KAZN: variants seen among roughly 807,000 people sequenced by gnomAD.
KAZN encodes the protein kazrin, periplakin interacting protein.
Under a neutral mutation model 87.4 loss-of-function variants are expected in KAZN, and 40 were observed. The ratio of observed to expected loss-of-function variants is 0.46; its 90% CI spans 0.36 to 0.60. KAZN has a LOEUF of 0.60. Among genes scored for constraint, KAZN ranks in the 20% least tolerant of loss-of-function variants. The probability of loss-of-function intolerance (pLI) is 0.00; values close to 1 mark genes in which losing one functional copy is unlikely to be tolerated. For synonymous variants in KAZN, 466 were observed against 458.3 expected, an observed-to-expected ratio of 1.02 and a Z score of -0.22; for missense variants, 898 against 1,073.9, an observed-to-expected ratio of 0.84 and a Z score of 2.29.
intron 1 of KAZN, among the ~76,000 whole-genome samples, chr1:14,630,692 C>A (rs1208218783): frequency 1.3e-5 from 2 of 152,074 alleles, no homozygotes; most frequent in African/African-American, 4.8e-5. Context: ...TCTAATGATT[C>A]CCCTACCCCA....
At chr1:14,732,831 T>C (rs1643739372) in intron 1 of KAZN, among the ~76,000 whole-genome samples, 1 of 152,078 alleles carries the variant, frequency 6.6e-6, no homozygotes, top group African/African-American at 2.4e-5. Context: ...ACTGAGACTC[T>C]AAGAGTGCCA....
intron 2 of KAZN, among the ~76,000 whole-genome samples, chr1:14,393,527 G>T (rs545421431): frequency 6.6e-6 from 1 of 152,108 alleles, no homozygotes; most frequent in African/African-American, 2.4e-5. Context: ...GGAAATACAC[G>T]CTTTGTAGAA....
intron 1 of KAZN, among the ~76,000 whole-genome samples, chr1:14,879,837 G>A (rs976805620): frequency 6.6e-6 from 1 of 152,102 alleles, no homozygotes; most frequent in Admixed American, 6.5e-5. Flanking sequence ...ACCATCGAAT[G>A]GTCCCCAAAT....
At chr1:14,447,208 C>CATCATCATT (rs1438327123) in intron 2 of KAZN, among the ~76,000 whole-genome samples, 2 of 131,182 alleles carry the variant, frequency 1.5e-5, no homozygotes, top group Non-Finnish European at 3.2e-5. Flanking sequence ...GTTTCCACCA[C>CATCATCATT]ATTATTATTA....
intron 1 of KAZN, among the ~76,000 whole-genome samples, chr1:14,729,286 G>A (rs2100350006): frequency 6.6e-6 from 1 of 152,322 alleles, no homozygotes; most frequent in African/African-American, 2.4e-5. Context: ...ATCTGGTTGT[G>A]TTCCTTGGGC....
At chr1:14,595,989 T>A (rs1676487238), upstream of KAZN, among the ~76,000 whole-genome samples, 1 of 152,148 alleles carries the variant, frequency 6.6e-6, no homozygotes, top group Non-Finnish European at 1.5e-5. Flanking sequence ...AGTCTTTTCT[T>A]TTCTCCTTAT....
chr1:13,950,448 G>A (rs140324254), intron 1 of KAZN, among the ~76,000 whole-genome samples: 7 of 152,300 alleles, frequency 4.6e-5, no homozygotes, highest in South Asian at 2.1e-4. Context: ...TATCCCCAGC[G>A]TTCAGTGTAC....
At chr1:14,696,920 C>T (rs1369529682) in intron 1 of KAZN, among the ~76,000 whole-genome samples, 1 of 152,202 alleles carries the variant, frequency 6.6e-6, no homozygotes, top group Non-Finnish European at 1.5e-5. Flanking sequence ...AATGCAGCTG[C>T]CAACAGGCGG....
At chr1:14,775,220 A>G (rs1219004967) in intron 1 of KAZN, among the ~76,000 whole-genome samples, 1 of 152,162 alleles carries the variant, frequency 6.6e-6, no homozygotes, top group East Asian at 1.9e-4. Context: ...TTTCTCCTCC[A>G]TGTTCTGTGG....
intron 1 of KAZN, among the ~76,000 whole-genome samples, chr1:14,712,189 A>G (rs1029761081): frequency 6.6e-6 from 1 of 152,198 alleles, no homozygotes; most frequent in African/African-American, 2.4e-5. Context: ...TCTAATTTGC[A>G]TGTTGCATTT....
chr1:15,046,277 A>G (rs992869005), intron 4 of KAZN, among the ~76,000 whole-genome samples: 2 of 137,012 alleles, frequency 1.5e-5, no homozygotes, highest in East Asian at 2.2e-4. Flanking sequence ...CAGCCTGGGC[A>G]ACAGAGCAAG....
chr1:14,132,237 G>A (rs1036392823), intron 1 of KAZN, among the ~76,000 whole-genome samples: 2 of 152,096 alleles, frequency 1.3e-5, no homozygotes, highest in African/African-American at 4.8e-5. Flanking sequence ...GGAGGCATTT[G>A]CTCCCTTCCA....
At chr1:15,110,543 A>ATGTTTGTGTGTG (rs1641562586) in intron 13 of KAZN, among the ~76,000 whole-genome samples, 1 of 29,422 alleles carries the variant, frequency 3.4e-5, no homozygotes, top group Non-Finnish European at 6.9e-5. Context: ...GTGTGTGCAT[A>ATGTTTGTGTGTG]TGTGTTTGTG....
intron 1 of KAZN, among the ~76,000 whole-genome samples, chr1:14,749,657 G>A (rs146957757): frequency 6.6e-6 from 1 of 152,220 alleles, no homozygotes; most frequent in Non-Finnish European, 1.5e-5. Flanking sequence ...TTCTGCACAG[G>A]GGCCCTTCTG....
chr1:14,357,636 G>A (rs1006022820), intron 2 of KAZN, among the ~76,000 whole-genome samples: 6 of 152,222 alleles, frequency 3.9e-5, no homozygotes, highest in Admixed American at 3.9e-4. Context: ...GCACGAAGCG[G>A]TGTTGAATTT....
intron 1 of KAZN, among the ~76,000 whole-genome samples, chr1:14,761,430 C>T (rs962197714): frequency 1.1e-4 from 17 of 152,184 alleles, no homozygotes; most frequent in African/African-American, 4.1e-4. Flanking sequence ...GGAAAACAAG[C>T]TTCAACACTG....
chr1:14,358,359 T>TTA (rs1553161737), intron 2 of KAZN, among the ~76,000 whole-genome samples: 29 of 148,830 alleles, frequency 1.9e-4, no homozygotes, highest in Non-Finnish European at 2.5e-4. Flanking sequence ...GTAAATCTTT[T>TTA]AAAAAAAAAA....
chr1:14,025,104 A>G (rs1259475417), intron 1 of KAZN, among the ~76,000 whole-genome samples: 1 of 152,234 alleles, frequency 6.6e-6, no homozygotes, highest in Non-Finnish European at 1.5e-5. Context: ...CCAGAGTTCC[A>G]AACAGAACAG....
chr1:14,358,130 T>A (rs1659194592), intron 2 of KAZN, among the ~76,000 whole-genome samples: 2 of 152,186 alleles, frequency 1.3e-5, no homozygotes. Flanking sequence ...ATTCAACTTG[T>A]TCCTAGTTTA....
Sources: gnomAD v4.1 joint callset for allele counts (sites outside exome capture counted in the v4.1 genomes callset) on GRCh38, gnomAD v4.1.1 for gene constraint, MANE v1.5 for transcripts, NCBI Gene and HGNC (gene_info 2026-07-23, HGNC 2026-07-21) for gene names.